The following SENP7 variants were observed in gnomAD, a reference collection of about 807,000 sequenced individuals.
The protein encoded by SENP7 is sentrin-specific protease 7.
In SENP7, 64 loss-of-function variants were observed where a neutral mutation model predicts 141.2. The observed-to-expected ratio is 0.45, with a 90% CI of 0.37 to 0.56. The LOEUF (loss-of-function observed/expected upper bound fraction) is 0.56, where lower values mean the gene tolerates loss of function less well. Ranked by LOEUF, SENP7 falls within the 20% of genes least tolerant of loss-of-function variation. SENP7 has a pLI of 0.00. For synonymous variants in SENP7, 382 were observed against 426.4 expected (o/e 0.90, Z 1.28); for missense variants, 1,025 against 1,212.2 (o/e 0.85, Z 2.29).
At chr3:101,337,483 T>C in intron 17 of SENP7, 26 bp downstream of exon 17, 4 of 1,441,908 alleles carry the variant, frequency 2.8e-6, no homozygotes, top group Non-Finnish European at 3.8e-6. Flanking sequence ...CTCTTAAAAC[T>C]TAAGTACATT....
intron 11 of SENP7, chr3:101,357,953 T>G (rs1168940645): frequency 1.5e-6 from 1 of 679,514 alleles, no homozygotes; most frequent in Non-Finnish European, 2.4e-6. Flanking sequence ...TGGCAAAGCT[T>G]TTAACCACCC....
chr3:101,375,465 C>A (rs1376277000), intron 6 of SENP7, among the ~76,000 whole-genome samples: 2 of 149,986 alleles, frequency 1.3e-5, no homozygotes, highest in Non-Finnish European at 3.0e-5. Context: ...TCGCTTGAAC[C>A]CGGGAGGCGG....
chr3:101,352,937 TA>T (rs947745346), intron 11 of SENP7, among the ~76,000 whole-genome samples: 1 of 151,988 alleles, frequency 6.6e-6, no homozygotes, highest in African/African-American at 2.4e-5. Context: ...CATAATTAAC[TA>T]AAAGCTGAGC....
intron 11 of SENP7, among the ~76,000 whole-genome samples, chr3:101,356,884 C>T (rs1050404245): frequency 1.3e-5 from 2 of 152,126 alleles, no homozygotes; most frequent in African/African-American, 4.8e-5. Flanking sequence ...TACTACAACC[C>T]CCTTTATATT....
chr3:101,466,676 G>A (rs2063767588), intron 3 of SENP7, among the ~76,000 whole-genome samples: 1 of 152,120 alleles, frequency 6.6e-6, no homozygotes, highest in South Asian at 2.1e-4. Flanking sequence ...AGAGAATGGA[G>A]TCACATGTTA....
intron 1 of SENP7, among the ~76,000 whole-genome samples, chr3:101,511,528 T>C (rs144990227): frequency 6.6e-6 from 1 of 152,300 alleles, no homozygotes; most frequent in East Asian, 1.9e-4. Flanking sequence ...GTGGAGACTA[T>C]TAAAACACTC....
At position 101,366,665 on chromosome 3, in the gene SENP7, T is replaced by C; in HGVS notation, c.1083A>G (p.Thr361=). The change falls in exon 9 of 24, where the codon ACA becomes ACG. Residue 361 remains threonine (T), a synonymous_variant. Transcript: ENST00000394095. ...KLPEEITTKP[T]KSDFTKLSSL... ...AGGATAGTTTAGTAAAATCACTTTT[T>C]GTAGGTTTAGTTGTAATTTCTTCAG... 2 of 1,613,868 alleles carry C rather than the reference T, an allele frequency of 1.2e-6. No homozygotes were observed. Among genetic ancestry groups the C allele is most frequent in the South Asian group, 2.2e-5 (2 of 91,070 alleles).
chr3:101,391,349 A>T (rs1178992740), intron 6 of SENP7, among the ~76,000 whole-genome samples: 2 of 146 alleles, frequency 0.014, no homozygotes, highest in South Asian at 0.17. Flanking sequence ...ACCAAGATTA[A>T]AAAAAAAAAC....
chr3:101,356,095 T>C (rs1459296396), intron 11 of SENP7, among the ~76,000 whole-genome samples: 1 of 152,152 alleles, frequency 6.6e-6, no homozygotes, highest in African/African-American at 2.4e-5. Context: ...AGTAAAATAA[T>C]ATAGTAATTT....
chr3:101,456,778 T>C (rs77021668), intron 4 of SENP7, among the ~76,000 whole-genome samples: 20,954 of 152,170 alleles, frequency 0.14, 1,464 homozygotes, highest in South Asian at 0.18. Context: ...AATATAAGTA[T>C]TTTTTAAATT....
At chr3:101,478,248 T>A (rs2064302379) in intron 3 of SENP7, among the ~76,000 whole-genome samples, 1 of 152,090 alleles carries the variant, frequency 6.6e-6, no homozygotes, top group South Asian at 2.1e-4. Flanking sequence ...GCCAGCACAG[T>A]GGCTTATGCC....
intron 13 of SENP7, among the ~76,000 whole-genome samples, chr3:101,346,651 C>T (rs1053103207): frequency 5.3e-5 from 8 of 152,018 alleles, no homozygotes; most frequent in African/African-American, 1.9e-4. Flanking sequence ...TGAAGTAACT[C>T]AGGAATGGAA....
rs573679301 is a variant in SENP7, at chr3:101,467,427, A to G, written c.187-8375T>C. ...GTAGCCTAACTGGGAGACGCCTCCC[A>G]TTAGGGGATGACAGACACCTCATAT... On this transcript the variant is annotated intron_variant, in intron 3 of 23. Transcript: ENST00000394095. Among the ~76,000 whole-genome samples the G allele has an allele frequency of 1.1e-4, 17 of 152,354 alleles. No homozygotes were observed. The East Asian group carries it at 3.3e-3, about 29-fold the overall frequency.
intron 5 of SENP7, among the ~76,000 whole-genome samples, chr3:101,404,113 G>A (rs2061231906): frequency 6.6e-6 from 1 of 151,856 alleles, no homozygotes; most frequent in Non-Finnish European, 1.5e-5. Context: ...TATAACCAAG[G>A]CAATCCTAAG....
chr3:101,429,679 A>C (rs552609015), intron 4 of SENP7, among the ~76,000 whole-genome samples: 2 of 152,150 alleles, frequency 1.3e-5, no homozygotes, highest in East Asian at 1.9e-4. Context: ...AACACCCTTT[A>C]TTTCTTTCTC....
chr3:101,344,461 T>C (rs1045774698), intron 13 of SENP7, among the ~76,000 whole-genome samples: 4 of 152,104 alleles, frequency 2.6e-5, no homozygotes, highest in African/African-American at 9.7e-5. Context: ...TAGAAGTAAT[T>C]AGGACAGGAA....
At chr3:101,341,230 T>C (rs1439915069) in intron 15 of SENP7, among the ~76,000 whole-genome samples, 2 of 152,194 alleles carry the variant, frequency 1.3e-5, no homozygotes, top group African/African-American at 4.8e-5. Flanking sequence ...GGATGAAATA[T>C]GAACAAAGAA....
intron 1 of SENP7, among the ~76,000 whole-genome samples, chr3:101,507,774 G>A (rs998674284): frequency 2.0e-5 from 3 of 151,952 alleles, no homozygotes; most frequent in Non-Finnish European, 2.9e-5. Flanking sequence ...TTCCTGGCTG[G>A]GCACAGTGGC....
At chr3:101,466,474 TGTCA>T (rs1471232431) in intron 3 of SENP7, among the ~76,000 whole-genome samples, 2 of 152,090 alleles carry the variant, frequency 1.3e-5, no homozygotes, top group African/African-American at 4.8e-5. Context: ...GAAAATAAAA[TGTCA>T]GTCAATAATA....
Sources: gnomAD v4.1 joint callset for allele counts (sites outside exome capture counted in the v4.1 genomes callset) on GRCh38, gnomAD v4.1.1 for gene constraint, MANE v1.5 for transcripts, NCBI Gene and HGNC (gene_info 2026-07-23, HGNC 2026-07-21) for gene names.